The following DLG5 variants were observed in gnomAD, a reference collection of about 807,000 sequenced individuals.
DLG5 encodes the protein discs large MAGUK scaffold protein 5, also known as disks large homolog 5.
Under a neutral mutation model 189.8 loss-of-function variants are expected in DLG5, and 48 were observed. The ratio of observed to expected loss-of-function variants is 0.25; its 90% CI spans 0.20 to 0.32. The LOEUF (loss-of-function observed/expected upper bound fraction) is 0.32. Among genes scored for constraint, DLG5 ranks in the 10% least tolerant of loss-of-function variants. The pLI is 1.00. For synonymous variants in DLG5, 1,016 were observed against 1,054.1 expected, an observed-to-expected ratio of 0.96 and a Z score of 0.70; for missense variants, 2,160 against 2,544.7, an observed-to-expected ratio of 0.85 and a Z score of 3.25.
At chr10:77,922,461 GT>G (rs777139042) in intron 1 of DLG5, among the ~76,000 whole-genome samples, 1 of 152,194 alleles carries the variant, frequency 6.6e-6, no homozygotes, top group African/African-American at 2.4e-5. Flanking sequence ...GGGCAAAGGT[GT>G]TCGCTTGTTC....
chr10:77,925,583 CTT>C (rs984961381), intron 1 of DLG5, among the ~76,000 whole-genome samples: 4 of 152,200 alleles, frequency 2.6e-5, no homozygotes, highest in African/African-American at 9.7e-5. Flanking sequence ...AGGGAGAGAA[CTT>C]AGCCCCAGCA....
At chr10:77,833,737 G>A (rs965039342) in intron 9 of DLG5, among the ~76,000 whole-genome samples, 177 bp downstream of exon 9, 5 of 152,262 alleles carry the variant, frequency 3.3e-5, no homozygotes, top group East Asian at 1.9e-4. Context: ...GATGACATTC[G>A]AACCCATTCT....
chr10:77,828,449 T>C (rs1466303145), intron 13 of DLG5, among the ~76,000 whole-genome samples: 1 of 137,250 alleles, frequency 7.3e-6, no homozygotes, highest in Admixed American at 8.4e-5. Flanking sequence ...ATTGCGCCAC[T>C]GCGTTCTAAC....
chr10:77,901,198 G>A (rs572477505), intron 1 of DLG5, among the ~76,000 whole-genome samples: 44 of 152,152 alleles, frequency 2.9e-4, no homozygotes, highest in African/African-American at 1.1e-3. Flanking sequence ...CCACAGCAAG[G>A]CACAACTTAT....
Position 77,829,473 on chromosome 10 carries a change from C to T in DLG5, c.2067G>A (p.Lys689=). ...CATTGAGGAGCGCCTTGATGGCCTGCTTCTTGTCCTTGTTGATGAGGTCCA... is the reference window on the plus strand; with the variant it reads ...CATTGAGGAGCGCCTTGATGGCCTGTTTCTTGTCCTTGTTGATGAGGTCCA... ...NDVDLINKDK[K]QAIKALLNGE... The change falls in exon 12 of 32, where the codon AAG becomes AAA. Residue 689 remains lysine (K), a synonymous_variant. Transcript: ENST00000372391. The T allele has an allele frequency of 1.2e-6, 2 of 1,614,050 alleles. No individual in the cohort carries two copies. The highest frequency in any genetic ancestry group is 1.7e-6 in the Non-Finnish European group (2 of 1,179,984).
intron 12 of DLG5, 37 bp downstream of exon 12, chr10:77,829,318 C>T: frequency 2.5e-6 from 4 of 1,612,238 alleles, no homozygotes; most frequent in Non-Finnish European, 3.4e-6. Flanking sequence ...GGGCCCCAGC[C>T]ACCTGAGGCA....
intron 13 of DLG5, among the ~76,000 whole-genome samples, chr10:77,828,275 C>G (rs1412635406): frequency 6.6e-6 from 1 of 152,060 alleles, no homozygotes; most frequent in Non-Finnish European, 1.5e-5. Flanking sequence ...CACCTGAGGT[C>G]AGGAGTTCAA....
intron 27 of DLG5, among the ~76,000 whole-genome samples, chr10:77,804,864 C>G (rs1841391785): frequency 6.6e-6 from 1 of 152,214 alleles, no homozygotes; most frequent in African/African-American, 2.4e-5. Flanking sequence ...AAGCAAGGCA[C>G]TCAGCAGAGA....
At chr10:77,873,841 C>T (rs1272609336) in intron 1 of DLG5, among the ~76,000 whole-genome samples, 2 of 152,202 alleles carry the variant, frequency 1.3e-5, no homozygotes, top group Non-Finnish European at 2.9e-5. Context: ...GCACCCCCTA[C>T]CTCAATCCCC....
rs370845915 is a variant in DLG5, at chr10:77,884,500, T to C, written c.305-15303A>G. ...AAGAGTATCTCATCCCCGGAGCACA[T>C]TGTTTCTACAGACCTGTCCACCTCC... On this transcript the variant is annotated intron_variant, in intron 1 of 31. Coordinates refer to ENST00000372391, the MANE Select transcript of DLG5 (RefSeq NM_004747.4). Among the ~76,000 whole-genome samples, 13 of 152,026 alleles carry C rather than the reference T, an allele frequency of 8.6e-5. No individual in the cohort carries two copies. The South Asian group carries it at 1.3e-3, about 15-fold the overall frequency.
Position 77,821,306 on chromosome 10 carries a change from G to A in DLG5, c.3178C>T (p.Pro1060Ser), listed in dbSNP as rs775715149. ...ALPPDVDPGE[P>S]MHASPPRKAR... ...TTGCGAGGGGGTGATGCGTGCATGGGCTCCCCGGGGTCCACGTCAGGGGGC... is the reference window on the plus strand; with the variant it reads ...TTGCGAGGGGGTGATGCGTGCATGGACTCCCCGGGGTCCACGTCAGGGGGC... Residue 1060 changes from proline (P) to serine (S), a missense_variant, in exon 15 of 32, where the codon CCC (proline) becomes TCC (serine). Coordinates refer to ENST00000372391, the MANE Select transcript of DLG5 (RefSeq NM_004747.4). 3.7e-6 allele frequency: 6 copies of A among 1,613,398 alleles called. No individual in the cohort carries two copies. The highest frequency in any genetic ancestry group is 1.1e-5 in the South Asian group (1 of 91,086).
At position 77,860,255 on chromosome 10, in the gene DLG5, C is replaced by T. The variant is rs535036565; in HGVS notation, c.374-3363G>A. 1.9e-3 allele frequency among the ~76,000 whole-genome samples: 285 copies of T among 152,318 alleles called. 1 individual carries two copies. Among genetic ancestry groups the T allele is most frequent in the African/African-American group, 6.5e-3 (272 of 41,578 alleles). On this transcript the variant is annotated intron_variant, in intron 2 of 31. Transcript: ENST00000372391. ...TCGGTGCCTCCCAAATAACAACCAC[C>T]AGTAGCACACAATGCAAGCCTGGCA...
chr10:77,885,059 C>A (rs561649794), intron 1 of DLG5, among the ~76,000 whole-genome samples: 1 of 152,146 alleles, frequency 6.6e-6, no homozygotes, highest in East Asian at 1.9e-4. Flanking sequence ...GTACTATACA[C>A]TCAGGCTGTC....
At chr10:77,891,034 C>A (rs956246591) in intron 1 of DLG5, among the ~76,000 whole-genome samples, 3 of 152,214 alleles carry the variant, frequency 2.0e-5, no homozygotes, top group Non-Finnish European at 4.4e-5. Flanking sequence ...TCCACCATCA[C>A]TACTGCCTCT....
At chr10:77,816,930 C>A (rs2154575470) in intron 19 of DLG5, 77 bp downstream of exon 19, 1 of 1,522,436 alleles carries the variant, frequency 6.6e-7, no homozygotes, top group South Asian at 1.1e-5. Context: ...AAGTTCTCAG[C>A]TAAGCCCAGA....
chr10:77,866,777 A>C (rs906518699), intron 2 of DLG5: 1 of 355,466 alleles, frequency 2.8e-6, no homozygotes, highest in Admixed American at 3.7e-5. Flanking sequence ...GTACTGGCTG[A>C]CCTCAGCACA....
chr10:77,855,453 G>C (rs1234534967), intron 3 of DLG5, among the ~76,000 whole-genome samples: 1 of 152,198 alleles, frequency 6.6e-6, no homozygotes, highest in East Asian at 1.9e-4. Context: ...TTTTGCAAAA[G>C]GCCACACAGT....
intron 27 of DLG5, among the ~76,000 whole-genome samples, chr10:77,804,674 AG>A (rs1461568321): frequency 1.3e-5 from 2 of 152,212 alleles, no homozygotes; most frequent in African/African-American, 4.8e-5. Context: ...GCTGTCTACC[AG>A]GGGATGTCTG....
chr10:77,914,882 C>T (rs934054005), intron 1 of DLG5, among the ~76,000 whole-genome samples: 2 of 152,206 alleles, frequency 1.3e-5, no homozygotes, highest in African/African-American at 4.8e-5. Context: ...CATTTCTAGT[C>T]TCTAGAGCAA....
Sources: allele counts gnomAD v4.1 joint callset (sites outside exome capture counted in the v4.1 genomes callset), GRCh38; gene constraint gnomAD v4.1.1; transcripts MANE v1.5; gene names NCBI Gene and HGNC (gene_info 2026-07-23, HGNC 2026-07-21).